Variants in DOK6 observed in about 807,000 individuals in gnomAD.
The protein encoded by DOK6 is docking protein 6.
A neutral mutation model predicts 44.0 loss-of-function variants in DOK6; 22 were observed. That is an observed-to-expected ratio of 0.50 (90% CI 0.36 to 0.71). The LOEUF is 0.71. Among genes scored for constraint, DOK6 ranks in the 30% least tolerant of loss-of-function variants. The pLI is 0.00. For missense variants in DOK6, 340 were observed against 416.4 expected (o/e 0.82, Z 1.60); for synonymous variants, 166 against 145.5 (o/e 1.14, Z -1.01).
At chr18:69,494,528 G>C (rs1980827731) in intron 1 of DOK6, among the ~76,000 whole-genome samples, 2 of 152,038 alleles carry the variant, frequency 1.3e-5, no homozygotes, top group Admixed American at 1.3e-4. Flanking sequence ...TTATGTTTTT[G>C]AACAATTACT....
intron 3 of DOK6, among the ~76,000 whole-genome samples, chr18:69,653,190 A>G (rs1985275303): frequency 6.6e-6 from 1 of 152,174 alleles, no homozygotes; most frequent in Non-Finnish European, 1.5e-5. Flanking sequence ...AAGACCATCT[A>G]TACCTTGAAG....
chr18:69,634,995 C>T (rs1403883581), intron 3 of DOK6, among the ~76,000 whole-genome samples: 1 of 152,210 alleles, frequency 6.6e-6, no homozygotes, highest in Non-Finnish European at 1.5e-5. Context: ...CTTCTTCCTG[C>T]CGCAGACAGC....
intron 1 of DOK6, among the ~76,000 whole-genome samples, chr18:69,439,134 T>G (rs1199145167): frequency 6.6e-6 from 1 of 151,636 alleles, no homozygotes; most frequent in Non-Finnish European, 1.5e-5. Context: ...ACCAGGTATA[T>G]TGTCAATGAT....
In DOK6 at chr18:69,835,443, C is replaced by T. The variant is rs1174680714; in HGVS notation, c.857-5801C>T. ...TCGCACCACTGCACTCCAGCCTGGG[C>T]GACAGAACGAGACTCCGTCTCAAAA... On this transcript the variant is annotated intron_variant, in intron 7 of 7. Coordinates refer to ENST00000382713, the MANE Select transcript of DOK6 (RefSeq NM_152721.6). Among the ~76,000 whole-genome samples, 7 of 150,382 alleles carry T rather than the reference C, an allele frequency of 4.7e-5. No individual in the cohort carries two copies. The East Asian group carries it at 5.9e-4, about 13-fold the overall frequency.
At chr18:69,517,793 C>T (rs1357629946) in intron 1 of DOK6, among the ~76,000 whole-genome samples, 3 of 150,926 alleles carry the variant, frequency 2.0e-5, no homozygotes, top group Non-Finnish European at 2.9e-5. Context: ...CAGCAAATGA[C>T]GTGGATGTGC....
intron 3 of DOK6, among the ~76,000 whole-genome samples, chr18:69,616,759 A>G (rs1186147129): frequency 1.3e-5 from 2 of 152,206 alleles, no homozygotes; most frequent in African/African-American, 2.4e-5. Context: ...AAGTTTTACC[A>G]TATGATACCC....
At chr18:69,645,370 T>C (rs77364797) in intron 3 of DOK6, among the ~76,000 whole-genome samples, 10,582 of 152,228 alleles carry the variant, frequency 0.07, 422 homozygotes, top group Admixed American at 0.1. Flanking sequence ...TGTGTCCTTT[T>C]TAGAGTAGGT....
chr18:69,715,645 T>C (rs1432086966), intron 5 of DOK6, among the ~76,000 whole-genome samples: 1 of 152,230 alleles, frequency 6.6e-6, no homozygotes, highest in Non-Finnish European at 1.5e-5. Context: ...TTCTTCCAAC[T>C]TTACAGTCTT....
chr18:69,611,949 T>TACCCAC (rs1555716941), intron 3 of DOK6, among the ~76,000 whole-genome samples: 1 of 150,080 alleles, frequency 6.7e-6, no homozygotes, highest in South Asian at 2.1e-4. Context: ...ATATAAAACT[T>TACCCAC]ACACACACAC....
intron 4 of DOK6, among the ~76,000 whole-genome samples, chr18:69,685,350 T>C (rs1372785912): frequency 1.3e-5 from 2 of 152,202 alleles, no homozygotes; most frequent in African/African-American, 4.8e-5. Context: ...TTTTACATGC[T>C]ATGGGGCCTT....
intron 4 of DOK6, among the ~76,000 whole-genome samples, chr18:69,681,470 C>T (rs555601775): frequency 6.6e-6 from 1 of 152,266 alleles, no homozygotes; most frequent in Admixed American, 6.5e-5. Context: ...CTGCTGTCAG[C>T]TTGTTTTCAT....
intron 7 of DOK6, among the ~76,000 whole-genome samples, chr18:69,783,289 G>A (rs780093791): frequency 7.9e-5 from 12 of 152,082 alleles, no homozygotes; most frequent in East Asian, 3.9e-4. Context: ...TGATTAGTCC[G>A]AATTGAGATA....
chr18:69,614,542 CTTTGTG>C (rs1397040471), intron 3 of DOK6, among the ~76,000 whole-genome samples: 7 of 75,516 alleles, frequency 9.3e-5, no homozygotes, highest in South Asian at 1.2e-3. Context: ...TTTATTTTTT[CTTTGTG>C]TGTGTGTGTG....
intron 6 of DOK6, among the ~76,000 whole-genome samples, chr18:69,751,906 T>C (rs753088673): frequency 6.6e-6 from 1 of 152,074 alleles, no homozygotes; most frequent in African/African-American, 2.4e-5. Flanking sequence ...CAATACTTTA[T>C]GTAAAAAAGG....
chr18:69,711,778 G>C (rs998068281), intron 5 of DOK6, among the ~76,000 whole-genome samples: 57 of 152,090 alleles, frequency 3.7e-4, no homozygotes, highest in African/African-American at 1.3e-3. Flanking sequence ...AAGTCAGTTA[G>C]GAAAATAAAC....
At chr18:69,456,688 A>G (rs1979642197) in intron 1 of DOK6, among the ~76,000 whole-genome samples, 1 of 152,200 alleles carries the variant, frequency 6.6e-6, no homozygotes, top group South Asian at 2.1e-4. Flanking sequence ...GCTGGGTCAA[A>G]TGGTAGCTCC....
intron 1 of DOK6, among the ~76,000 whole-genome samples, chr18:69,493,165 C>T (rs1261210677): frequency 6.6e-6 from 1 of 152,122 alleles, no homozygotes; most frequent in Non-Finnish European, 1.5e-5. Context: ...GCACAATATT[C>T]ATATTCATCT....
intron 1 of DOK6, among the ~76,000 whole-genome samples, chr18:69,439,128 G>C (rs1979066931): frequency 6.6e-6 from 1 of 151,910 alleles, no homozygotes; most frequent in Admixed American, 6.6e-5. Flanking sequence ...TGGGTAACCA[G>C]GTATATTGTC....
At chr18:69,780,695 T>C (rs748537400) in intron 7 of DOK6, among the ~76,000 whole-genome samples, 9 of 152,220 alleles carry the variant, frequency 5.9e-5, no homozygotes, top group Non-Finnish European at 1.3e-4. Context: ...CTATACGGAA[T>C]ACAACATTAA....
Sources: allele counts gnomAD v4.1 joint callset (sites outside exome capture counted in the v4.1 genomes callset), GRCh38; gene constraint gnomAD v4.1.1; transcripts MANE v1.5; gene names NCBI Gene and HGNC (gene_info 2026-07-23, HGNC 2026-07-21).